The following PKNOX1 variants were observed in gnomAD, a reference collection of about 807,000 sequenced individuals.
PKNOX1 encodes homeobox protein PKNOX1.
Under a neutral mutation model 51.9 loss-of-function variants are expected in PKNOX1, and 15 were observed. That is an observed-to-expected ratio of 0.29 (90% confidence interval 0.19 to 0.45). The LOEUF (loss-of-function observed/expected upper bound fraction) is 0.45. Ranked by LOEUF, PKNOX1 falls within the 20% of genes least tolerant of loss-of-function variation. The pLI is 1.00. For missense variants in PKNOX1, 462 were observed against 547.5 expected (o/e 0.84, Z 1.56); for synonymous variants, 219 against 211.1 (o/e 1.04, Z -0.32).
chr21:42,997,598 C>T lies in PKNOX1; in HGVS notation c.-56-6728C>T, dbSNP rs182094722. Among the ~76,000 whole-genome samples the T allele has an allele frequency of 1.9e-4, 29 of 152,326 alleles. No homozygotes were observed. In the East Asian group the frequency reaches 1.9e-3, roughly 10 times the overall value. ...GCTAGTAGTTGGGGATGCAGCAAGACGGGCCCCTGGCCCTTAAGGAACTTG... is the reference window on the plus strand; with the variant it reads ...GCTAGTAGTTGGGGATGCAGCAAGATGGGCCCCTGGCCCTTAAGGAACTTG... On this transcript the variant is annotated intron_variant, in intron 1 of 10. Transcript: ENST00000291547.
rs528060153 is a variant in PKNOX1 at position 43,010,629 on chromosome 21, A to G, written c.351+405A>G. 2.0e-5 allele frequency among the ~76,000 whole-genome samples: 3 copies of G among 152,132 alleles called. No homozygotes were observed. The East Asian group carries it at 5.8e-4, about 30-fold the overall frequency. On this transcript the variant is annotated intron_variant, in intron 4 of 10. Transcript: ENST00000291547. Reference sequence around the variant, plus strand: ...CACTTTGGGAGGCCGAGGTGGGCAGATCACAAGGTCAGGAGTTCGAGACCA... The same window carrying G: ...CACTTTGGGAGGCCGAGGTGGGCAGGTCACAAGGTCAGGAGTTCGAGACCA...
intron 1 of PKNOX1, among the ~76,000 whole-genome samples, chr21:42,995,456 C>T (rs1032692508): frequency 8.6e-5 from 13 of 152,032 alleles, no homozygotes; most frequent in African/African-American, 2.9e-4. Context: ...GGTAGGAGGA[C>T]GGCTTGAGCC....
chr21:43,027,026 A>G (rs552589057), intron 9 of PKNOX1, among the ~76,000 whole-genome samples: 1 of 152,322 alleles, frequency 6.6e-6, no homozygotes, highest in African/African-American at 2.4e-5. Context: ...GGCATTAAAA[A>G]AAGAAAGAAG....
At chr21:43,018,470 CCACCCACACACACA>C (rs1194449309) in intron 7 of PKNOX1, among the ~76,000 whole-genome samples, 766 of 15,156 alleles carry the variant, frequency 0.051, 337 homozygotes, top group African/African-American at 0.21. Context: ...CCACCCCCTG[CCACCCACACACACA>C]CACACACACA....
chr21:43,025,102 G>C (rs1365762906), intron 9 of PKNOX1, among the ~76,000 whole-genome samples, 155 bp downstream of exon 9: 4 of 152,082 alleles, frequency 2.6e-5, no homozygotes, highest in Non-Finnish European at 5.9e-5. Flanking sequence ...GCCCAGGCTG[G>C]TCTCGAACTC....
Position 43,032,103 on chromosome 21 carries a change from G to C in PKNOX1, c.*2002G>C. 2.2e-6 allele frequency: 1 copy of C among 450,668 alleles called. No homozygotes were observed. Among genetic ancestry groups the C allele is most frequent in the Non-Finnish European group, 4.5e-6 (1 of 224,018 alleles). The allele number at this position is 450,668 out of a possible 1,614,324, so 27.9% of individuals were successfully genotyped here. A position where few individuals can be genotyped will look rare whatever the true frequency, so the allele number is the denominator to read the frequency against. On this transcript the variant is annotated 3_prime_UTR_variant, in exon 11 of 11. Transcript: ENST00000291547. ...TCGAACTCCCGACCTCAGGTGATCT[G>C]CCTGCCTCAGCCTCCCAAAGTGCTG...
chr21:43,028,102 T>TA (rs1334025569), intron 9 of PKNOX1, among the ~76,000 whole-genome samples: 1 of 152,214 alleles, frequency 6.6e-6, no homozygotes, highest in East Asian at 1.9e-4. Context: ...CTGGAGGACT[T>TA]ACGCCTCCAG....
In PKNOX1 at chr21:43,029,424, G is replaced by GTTTTTTTTTTTTTTTTTTTT. The variant is rs138486584; in HGVS notation, c.1100-464_1100-445dup. On this transcript the variant is annotated intron_variant, in intron 10 of 10. Transcript: ENST00000291547. ...TTATTTTTTTTTATTTGTTTGCTTT[G>GTTTTTTTTTTTTTTTTTTTT]TTTTTTTTTTTTTTTTTTTTTGAGA... 9.6e-4 allele frequency among the ~76,000 whole-genome samples: 61 copies of GTTTTTTTTTTTTTTTTTTTT among 63,284 alleles called. 9 individuals carry two copies. The highest frequency in any genetic ancestry group is 3.2e-3 in the East Asian group (7 of 2,192). The allele number at this position is 63,284 out of a possible 152,430, so 41.5% of individuals were successfully genotyped here.
At chr21:43,005,820 C>T (rs953359193) in intron 2 of PKNOX1, among the ~76,000 whole-genome samples, 2 of 152,154 alleles carry the variant, frequency 1.3e-5, no homozygotes, top group African/African-American at 4.8e-5. Flanking sequence ...CACCAAGGCA[C>T]GGTGACCACC....
At chr21:42,986,660 C>T (rs2146231452) in intron 1 of PKNOX1, among the ~76,000 whole-genome samples, 1 of 152,272 alleles carries the variant, frequency 6.6e-6, no homozygotes, top group Non-Finnish European at 1.5e-5. Context: ...AAACTTCTCA[C>T]ACACAAAATG....
chr21:43,021,057 C>T lies in PKNOX1; in HGVS notation c.721-246C>T, dbSNP rs1056673403. ...CCAGGAGTTCAAGGCTGCAGTGAGC[C>T]GTGACTGCACCACTGCACTCCAGCC... On this transcript the variant is annotated intron_variant, in intron 7 of 10. Coordinates refer to ENST00000291547, the MANE Select transcript of PKNOX1 (RefSeq NM_004571.5). This position sits in a 1 kb window ranked among gnomAD's most constrained non-coding sequence, Gnocchi z 4.6. The T allele has an allele frequency of 2.7e-5, 7 of 259,844 alleles. No individual in the cohort carries two copies. The highest frequency in any genetic ancestry group is 1.1e-4 in the Admixed American group (2 of 18,974). 16.1% of individuals were successfully genotyped at this position (259,844 alleles called of 1,614,324 possible).
intron 8 of PKNOX1, among the ~76,000 whole-genome samples, chr21:43,022,070 G>C (rs1309988372): frequency 6.6e-6 from 1 of 152,224 alleles, no homozygotes; most frequent in Non-Finnish European, 1.5e-5. Context: ...GGGCAGGAGA[G>C]AGCAGGCGGG....
intron 8 of PKNOX1, among the ~76,000 whole-genome samples, chr21:43,023,381 G>A (rs192076908): frequency 9.2e-5 from 14 of 152,124 alleles, no homozygotes; most frequent in African/African-American, 2.2e-4. Flanking sequence ...GTGTTTCCAC[G>A]CCGCACTCAG....
chr21:43,006,374 C>T (rs1476452339), intron 2 of PKNOX1, among the ~76,000 whole-genome samples: 1 of 152,224 alleles, frequency 6.6e-6, no homozygotes, highest in Non-Finnish European at 1.5e-5. Context: ...GATCCGCCCA[C>T]CTTGGCCTCC....
intron 1 of PKNOX1, among the ~76,000 whole-genome samples, chr21:42,989,997 C>T (rs1200604070): frequency 6.6e-6 from 1 of 151,858 alleles, no homozygotes; most frequent in East Asian, 1.9e-4. Flanking sequence ...TACTCCGGGG[C>T]TGAGGTGGGA....
intron 9 of PKNOX1, among the ~76,000 whole-genome samples, chr21:43,025,949 G>T (rs530756198): frequency 6.6e-6 from 1 of 152,280 alleles, no homozygotes; most frequent in East Asian, 1.9e-4. Flanking sequence ...TATACTATTT[G>T]CGTTATTTCC....
chr21:43,021,237 A>G lies in PKNOX1; in HGVS notation c.721-66A>G. ...ATCCTTGGCTGTTTTCTCCACCTGC[A>G]GTTGTAAGTACTTGGATATGTGAGA... On this transcript the variant is annotated intron_variant, in intron 7 of 10. Transcript: ENST00000291547. The surrounding 1 kb of genome is among the most constrained non-coding windows in gnomAD (Gnocchi z 4.6). 9 of 1,309,452 alleles carry G rather than the reference A, an allele frequency of 6.9e-6. No homozygotes were observed. Among genetic ancestry groups the G allele is most frequent in the South Asian group, 1.4e-5 (1 of 71,644 alleles). The allele number at this position is 1,309,452 out of a possible 1,614,324, so 81.1% of individuals were successfully genotyped here. A position where few individuals can be genotyped will look rare whatever the true frequency, so the allele number is the denominator to read the frequency against.
chr21:43,025,599 G>T (rs1350973223), intron 9 of PKNOX1, among the ~76,000 whole-genome samples: 1 of 152,184 alleles, frequency 6.6e-6, no homozygotes, highest in African/African-American at 2.4e-5. Context: ...TTCAGTAAGG[G>T]CTTGTGCGTG....
chr21:42,982,313 A>G (rs1451283798), intron 1 of PKNOX1, among the ~76,000 whole-genome samples: 1 of 152,206 alleles, frequency 6.6e-6, no homozygotes, highest in Non-Finnish European at 1.5e-5. Flanking sequence ...TACTATGATC[A>G]CAGTTTCCAG....
Sources: allele counts gnomAD v4.1 joint callset (sites outside exome capture counted in the v4.1 genomes callset), GRCh38; gene constraint gnomAD v4.1.1; non-coding constraint Gnocchi (gnomAD v3.1); transcripts MANE v1.5; gene names NCBI Gene and HGNC (gene_info 2026-07-23, HGNC 2026-07-21).